CDON: variants seen among roughly 807,000 people sequenced by gnomAD.
CDON encodes cell adhesion associated, oncogene regulated.
CDON carries 73 observed loss-of-function variants against 120.9 expected under a neutral mutation model. The observed-to-expected ratio is 0.60, with a 90% CI of 0.50 to 0.73. The LOEUF (loss-of-function observed/expected upper bound fraction) is 0.73, where lower values mean the gene tolerates loss of function less well. CDON is among the 30% of genes least tolerant of loss of function. The probability of loss-of-function intolerance (pLI) is 0.00; values close to 1 mark genes in which losing one functional copy is unlikely to be tolerated. For missense variants in CDON, 1,470 were observed against 1,587.3 expected (o/e 0.93, Z 1.26); for synonymous variants, 566 against 573.5 (o/e 0.99, Z 0.19).
At position 125,989,661 on chromosome 11, in the gene CDON, T is replaced by C; in HGVS notation, c.2749A>G (p.Asn917Asp). 2.5e-6 allele frequency: 4 copies of C among 1,613,590 alleles called. No individual in the cohort carries two copies. Among genetic ancestry groups the C allele is most frequent in the Non-Finnish European group, 3.4e-6 (4 of 1,179,598 alleles). Reference sequence around the variant, plus strand: ...CCTTTAGTCTCGCAGATCATCACATTGCTAAATTCACTTTCTCCTCCTTCA... The same window carrying C: ...CCTTTAGTCTCGCAGATCATCACATCGCTAAATTCACTTTCTCCTCCTTCA... ...FNEGGESEFS[N>D]VMICETKVKR... Residue 917 changes from asparagine (N) to aspartate (D), a missense_variant, in exon 15 of 20, where the codon AAT becomes GAT. Asn to Asp is a conservative substitution (Grantham distance 23). Transcript: ENST00000531738.
At chr11:126,019,795 A>C in intron 3 of CDON, 30 bp from the exon 4 acceptor site, 1 of 1,577,576 alleles carries the variant, frequency 6.3e-7, no homozygotes, top group Non-Finnish European at 8.7e-7. Flanking sequence ...AGATAAATAA[A>C]TACATGCAAA....
At chr11:125,985,939 C>A (rs12417592) in intron 15 of CDON, among the ~76,000 whole-genome samples, 39,435 of 151,992 alleles carry the variant, frequency 0.26, 5,334 homozygotes, top group East Asian at 0.48. Flanking sequence ...ATAGAAATAC[C>A]ATTTGACCCA....
At chr11:126,019,141 T>C (rs982526671) in intron 4 of CDON, among the ~76,000 whole-genome samples, 2 of 152,170 alleles carry the variant, frequency 1.3e-5, no homozygotes, top group Non-Finnish European at 2.9e-5. Flanking sequence ...ATTAAGGGGC[T>C]ACTTTCTGCC....
At chr11:126,001,971 G>T in intron 10 of CDON, 121 bp from the exon 11 acceptor site, 1 of 753,118 alleles carries the variant, frequency 1.3e-6, no homozygotes, top group Non-Finnish European at 2.3e-6. Flanking sequence ...ATCAGACACA[G>T]CATCTAAATG....
chr11:126,014,899 A>C, intron 7 of CDON: 1 of 300,312 alleles, frequency 3.3e-6, no homozygotes, highest in Non-Finnish European at 6.4e-6. Context: ...TGTGCACTAC[A>C]TACAAGGCTG....
intron 17 of CDON, among the ~76,000 whole-genome samples, chr11:125,979,862 TA>T (rs535444912): frequency 3.7e-4 from 56 of 152,340 alleles, no homozygotes; most frequent in African/African-American, 1.3e-3. Context: ...GATTCTCTTT[TA>T]GTAATGAGAT....
At chr11:126,012,634 C>G (rs1354530683) in intron 7 of CDON, among the ~76,000 whole-genome samples, 1 of 151,172 alleles carries the variant, frequency 6.6e-6, no homozygotes, top group East Asian at 1.9e-4. Flanking sequence ...GCCTCGAACT[C>G]CTGAGCTCAG....
At position 125,983,909 on chromosome 11, in the gene CDON, C is replaced by T; in HGVS notation, c.2958G>A (p.Met986Ile). ...TCTGCTGGCGATTCTTCCACAGGCA[C>T]ATTGCAATGAAAACCATCAGAATGA... ...MVLILMVFIAMCLWKNRQQNT... is the reference protein window; with the variant it reads ...MVLILMVFIAICLWKNRQQNT... The change falls in exon 16 of 20, where the codon ATG becomes ATA. Residue 986 changes from methionine to isoleucine, a missense_variant. Physicochemically the swap from Met to Ile is conservative, Grantham distance 10 (BLOSUM62 1). Transcript: ENST00000531738. The T allele has an allele frequency of 1.2e-6, 2 of 1,614,066 alleles. No individual in the cohort carries two copies. The highest frequency in any genetic ancestry group is 1.1e-5 in the South Asian group (1 of 91,066).
At chr11:125,971,251 CG>C (rs1945981033) in intron 18 of CDON, among the ~76,000 whole-genome samples, 1 of 151,890 alleles carries the variant, frequency 6.6e-6, no homozygotes, top group Non-Finnish European at 1.5e-5. Context: ...GGTGTGGTGG[CG>C]GGCACTTGTA....
chr11:126,039,497 G>C (rs1948194911), intron 1 of CDON, among the ~76,000 whole-genome samples: 1 of 152,188 alleles, frequency 6.6e-6, no homozygotes, highest in Non-Finnish European at 1.5e-5. Context: ...TTTCACTCCA[G>C]ACGAATATAA....
At chr11:126,035,096 T>C (rs1346600729) in intron 1 of CDON, among the ~76,000 whole-genome samples, 1 of 152,166 alleles carries the variant, frequency 6.6e-6, no homozygotes, top group Non-Finnish European at 1.5e-5. Flanking sequence ...CTAACCTAAG[T>C]ATAAGAGTTT....
chr11:126,046,736 G>C (rs1948416976), intron 1 of CDON, among the ~76,000 whole-genome samples: 1 of 152,090 alleles, frequency 6.6e-6, no homozygotes, highest in Admixed American at 6.5e-5. Context: ...ATCCTGGCCA[G>C]CTAGAAACAA....
intron 8 of CDON, among the ~76,000 whole-genome samples, chr11:126,009,999 T>C (rs11220312): frequency 0.24 from 36,677 of 152,072 alleles, 4,716 homozygotes; most frequent in East Asian, 0.5. Context: ...GACCCAATAC[T>C]GTAGTTATCA....
At chr11:125,999,318 A>G (rs74536056) in intron 11 of CDON, among the ~76,000 whole-genome samples, 2 of 152,198 alleles carry the variant, frequency 1.3e-5, no homozygotes, top group Admixed American at 1.3e-4. Flanking sequence ...AATACCTTCC[A>G]TATCTAAAAG....
At chr11:126,017,953 G>A (rs921956113) in intron 5 of CDON, among the ~76,000 whole-genome samples, 4 of 151,654 alleles carry the variant, frequency 2.6e-5, no homozygotes, top group African/African-American at 9.7e-5. Context: ...AGGCTGGAGT[G>A]CAGTGGCGCA....
chr11:125,999,987 C>T (rs912276271), intron 11 of CDON, among the ~76,000 whole-genome samples: 14 of 152,186 alleles, frequency 9.2e-5, no homozygotes, highest in Non-Finnish European at 2.1e-4. Flanking sequence ...TTTCATCTGT[C>T]TGTATCGTCG....
chr11:125,964,871 G>A (rs1945747079), intron 18 of CDON, among the ~76,000 whole-genome samples: 2 of 152,190 alleles, frequency 1.3e-5, no homozygotes, highest in Admixed American at 6.5e-5. Flanking sequence ...CAAAAGATCA[G>A]AAATATCTTT....
chr11:125,961,826 T>C lies in CDON; in HGVS notation c.3529A>G (p.Lys1177Glu). The change falls in exon 19 of 20, where the codon AAG becomes GAG. Residue 1177 changes from lysine to glutamate, a missense_variant. Coordinates refer to ENST00000531738, the MANE Select transcript of CDON (RefSeq NM_001378964.1). ...GTAGGGACTGGTTCCACATTGTCCT[T>C]GACGCTCTCCTCCGGCAACTGGCCA... is the stretch of plus-strand genomic sequence containing the variant. ...DCGQLPEESV[K>E]DNVEPVPTQR... 6.2e-7 allele frequency: 1 copy of C among 1,614,178 alleles called. No individual in the cohort carries two copies. Among genetic ancestry groups the C allele is most frequent in the Non-Finnish European group, 8.5e-7 (1 of 1,180,036 alleles).
At chr11:126,048,949 C>A (rs1257645512) in intron 1 of CDON, among the ~76,000 whole-genome samples, 1 of 152,156 alleles carries the variant, frequency 6.6e-6, no homozygotes, top group Non-Finnish European at 1.5e-5. Flanking sequence ...GTGATCCGCC[C>A]ACCTCGGCCT....
Sources: gnomAD v4.1 joint callset for allele counts (sites outside exome capture counted in the v4.1 genomes callset) on GRCh38, gnomAD v4.1.1 for gene constraint, MANE v1.5 for transcripts, NCBI Gene and HGNC (gene_info 2026-07-23, HGNC 2026-07-21) for gene names.